The following BEST3 variants were observed in gnomAD, a reference collection of about 807,000 sequenced individuals.
BEST3 encodes bestrophin-3.
Under a neutral mutation model 47.1 loss-of-function variants are expected in BEST3, and 50 were observed. That is an observed-to-expected ratio of 1.06 (90% CI 0.85 to 1.34). The LOEUF is 1.34. Ranked by LOEUF, BEST3 falls within the 40% of genes most tolerant of loss-of-function variation. The probability of loss-of-function intolerance (pLI) is 0.00; values close to 1 mark genes in which losing one functional copy is unlikely to be tolerated. For missense variants in BEST3, 765 were observed against 817.0 expected (o/e 0.94, Z 0.78); for synonymous variants, 282 against 298.8 (o/e 0.94, Z 0.58).
chr12:69,656,418 C>T (rs1216584781), intron 9 of BEST3, among the ~76,000 whole-genome samples: 4 of 151,436 alleles, frequency 2.6e-5, no homozygotes, highest in African/African-American at 7.3e-5. Flanking sequence ...AGTATATGTT[C>T]TTTCTCCCTT....
At chr12:69,652,016 A>C (rs1457611088), downstream of BEST3, among the ~76,000 whole-genome samples, 3 of 152,202 alleles carry the variant, frequency 2.0e-5, no homozygotes, top group Non-Finnish European at 4.4e-5. Context: ...TGAAGTAGAC[A>C]GGACAATAAA....
In BEST3 at chr12:69,694,352, C is replaced by T. The variant is rs1158868; in HGVS notation, c.247+18G>A. 256,289 of 1,501,792 alleles carry T rather than the reference C, an allele frequency of 0.17. 25,776 individuals carry two copies. The highest frequency in any genetic ancestry group is 0.42 in the African/African-American group (30,146 of 71,754). 93.0% of individuals were successfully genotyped at this position (1,501,792 alleles called of 1,614,324 possible). ...GAGACAGCTATGTGGCTGCAATCTG[C>T]GTGTGACCTATACTTACCAAGCACA... On this transcript the variant is annotated intron_variant, in intron 3 of 9. Transcript: ENST00000330891.
chr12:69,649,423 G>T (rs570859124), downstream of BEST3, among the ~76,000 whole-genome samples: 107 of 152,364 alleles, frequency 7.0e-4, no homozygotes, highest in Non-Finnish European at 1.2e-3. Context: ...GTTCAAATCT[G>T]ATTTTTCTGA....
intron 9 of BEST3, among the ~76,000 whole-genome samples, chr12:69,668,183 C>T: frequency 6.6e-6 from 1 of 152,070 alleles, no homozygotes; most frequent in East Asian, 1.9e-4. Flanking sequence ...AAGGATATTG[C>T]TTTGATTTTA....
intron 3 of BEST3, 88 bp downstream of exon 3, chr12:69,694,282 A>T: frequency 1.3e-6 from 1 of 798,996 alleles, no homozygotes; most frequent in Non-Finnish European, 2.0e-6. Flanking sequence ...CATGCCTCTC[A>T]GCTTGGAAAC....
chr12:69,653,025 G>A (rs1274938935), downstream of BEST3, among the ~76,000 whole-genome samples: 1 of 152,204 alleles, frequency 6.6e-6, no homozygotes, highest in Non-Finnish European at 1.5e-5. Context: ...AGTCCTTTGA[G>A]AAAAGTCAGT....
At chr12:69,673,774 A>C (rs936006189) in intron 7 of BEST3, among the ~76,000 whole-genome samples, 2 of 152,108 alleles carry the variant, frequency 1.3e-5, no homozygotes, top group African/African-American at 2.4e-5. Flanking sequence ...CATAACTGCT[A>C]AGTAAATGAG....
At chr12:69,665,681 C>G (rs952321534) in intron 9 of BEST3, among the ~76,000 whole-genome samples, 8 of 151,962 alleles carry the variant, frequency 5.3e-5, no homozygotes, top group African/African-American at 1.9e-4. Context: ...AACAAAAAAG[C>G]CATCCCTAGA....
chr12:69,680,310 C>CTTCTTCTTTTTTTTTTTTTTT (rs763385722), intron 4 of BEST3, among the ~76,000 whole-genome samples: 1 of 95,032 alleles, frequency 1.1e-5, no homozygotes, highest in Non-Finnish European at 2.0e-5. Context: ...TACACTTGAT[C>CTTCTTCTTTTTTTTTTTTTTT]TTTTTTTTTT....
At chr12:69,666,998 A>G (rs1218106117) in intron 9 of BEST3, among the ~76,000 whole-genome samples, 1 of 152,146 alleles carries the variant, frequency 6.6e-6, no homozygotes, top group African/African-American at 2.4e-5. Flanking sequence ...TCTTATCCTC[A>G]GCTATCTGTC....
rs1446234460 is a variant in BEST3, at chr12:69,654,887, G to A, written c.*20C>T. On this transcript the variant is annotated 3_prime_UTR_variant, in exon 10 of 10. Coordinates refer to ENST00000330891, the MANE Select transcript of BEST3 (RefSeq NM_032735.3). ...AGGTAAGAATCTAGGCTAGAACCAGGTCCTAGAACTTGGTGGCACTCATTT... is the reference window on the plus strand; with the variant it reads ...AGGTAAGAATCTAGGCTAGAACCAGATCCTAGAACTTGGTGGCACTCATTT... The A allele has an allele frequency of 1.0e-5, 16 of 1,597,344 alleles. No homozygotes were observed. The East Asian group carries it at 1.8e-4, about 18-fold the overall frequency.
intron 2 of BEST3, among the ~76,000 whole-genome samples, chr12:69,695,335 G>A (rs537830504): frequency 9.9e-5 from 15 of 152,256 alleles, no homozygotes; most frequent in African/African-American, 3.1e-4. Flanking sequence ...AGGCTCATTT[G>A]GGTCAGTAGA....
At chr12:69,675,782 T>G (rs1391223494) in intron 7 of BEST3, among the ~76,000 whole-genome samples, 1 of 152,124 alleles carries the variant, frequency 6.6e-6, no homozygotes, top group Non-Finnish European at 1.5e-5. Flanking sequence ...GGAGTATAAT[T>G]TGAAATATCA....
At chr12:69,682,029 C>A (rs1046557636) in intron 4 of BEST3, among the ~76,000 whole-genome samples, 1 of 135,752 alleles carries the variant, frequency 7.4e-6, no homozygotes, top group African/African-American at 2.8e-5. Context: ...TTGCAGTGAG[C>A]CGAGATTGTG....
At chr12:69,678,365 G>GT (rs1261775779) in intron 5 of BEST3, among the ~76,000 whole-genome samples, 10 of 152,012 alleles carry the variant, frequency 6.6e-5, no homozygotes, top group Admixed American at 6.6e-4. Flanking sequence ...GGCTGGGGAG[G>GT]TTTATTTCTC....
Position 69,654,127 on chromosome 12 carries a change from G to C in BEST3, c.*780C>G, listed in dbSNP as rs1883314309. 1.0e-6 allele frequency: 1 copy of C among 985,256 alleles called. No individual in the cohort carries two copies. The highest frequency in any genetic ancestry group is 1.7e-5 in the African/African-American group (1 of 57,226). 61.0% of individuals were successfully genotyped at this position (985,256 alleles called of 1,614,324 possible). A position where few individuals can be genotyped will look rare whatever the true frequency, so the allele number is the denominator to read the frequency against. ...ATTTGTTGACACCTTTGATGATTCT[G>C]TAGGAGGCTTTGCCAATGTCTTATA... On this transcript the variant is annotated 3_prime_UTR_variant, in exon 10 of 10. Coordinates refer to ENST00000330891, the MANE Select transcript of BEST3 (RefSeq NM_032735.3).
chr12:69,659,366 T>G (rs1883728860), intron 9 of BEST3, among the ~76,000 whole-genome samples: 1 of 152,190 alleles, frequency 6.6e-6, no homozygotes, highest in African/African-American at 2.4e-5. Flanking sequence ...TATATTTATT[T>G]ATTTAGAGAC....
At chr12:69,673,911 C>A (rs1168392396) in intron 7 of BEST3, among the ~76,000 whole-genome samples, 1 of 152,146 alleles carries the variant, frequency 6.6e-6, no homozygotes, top group East Asian at 1.9e-4. Context: ...TGTCACAAAT[C>A]TTTTAATATT....
chr12:69,654,641 TGG>T lies in BEST3; in HGVS notation c.*264_*265del. ...TGTATGTTTTTCAGATTCCTTTTTT[TGG>T]TTAAGACTTATTTGGCTAAATCACT... On this transcript the variant is annotated 3_prime_UTR_variant, in exon 10 of 10. Transcript: ENST00000330891. 3 of 1,185,958 alleles carry T rather than the reference TGG, an allele frequency of 2.5e-6. No individual in the cohort carries two copies. The highest frequency in any genetic ancestry group is 3.5e-4 in the Middle Eastern group (1 of 2,878). 73.5% of individuals were successfully genotyped at this position (1,185,958 alleles called of 1,614,324 possible).
Sources: gnomAD v4.1 joint callset for allele counts (sites outside exome capture counted in the v4.1 genomes callset) on GRCh38, gnomAD v4.1.1 for gene constraint, MANE v1.5 for transcripts, NCBI Gene and HGNC (gene_info 2026-07-23, HGNC 2026-07-21) for gene names.